Variants in TMC7 observed in about 807,000 individuals in gnomAD.
The protein encoded by TMC7 is transmembrane channel like 7, also known as transmembrane channel-like protein 7.
Under a neutral mutation model 82.9 loss-of-function variants are expected in TMC7, and 54 were observed. That is an observed-to-expected ratio of 0.65 (90% confidence interval 0.52 to 0.82). The LOEUF is 0.82. TMC7 is among the 40% of genes least tolerant of loss of function. TMC7 has a pLI of 0.00. For missense variants in TMC7, 820 were observed against 901.2 expected (o/e 0.91, Z 1.15); for synonymous variants, 350 against 337.9 (o/e 1.04, Z -0.39).
Position 18,984,079 on chromosome 16 carries a change from G to C in TMC7, c.16G>C (p.Gly6Arg), listed in dbSNP as rs1250534924. 2.0e-6 allele frequency: 3 copies of C among 1,499,706 alleles called. No individual in the cohort carries two copies. Among genetic ancestry groups the C allele is most frequent in the Non-Finnish European group, 8.8e-7 (1 of 1,132,544 alleles). The allele number at this position is 1,499,706 out of a possible 1,614,324, so 92.9% of individuals were successfully genotyped here. A position where few individuals can be genotyped will look rare whatever the true frequency, so the allele number is the denominator to read the frequency against. Residue 6 changes from glycine to arginine, a missense_variant, in exon 1 of 16, where the codon GGC (glycine) becomes CGC (arginine). This residue lies in a region of TMC7 where 650 missense variants were observed against 669.9 expected (regional missense o/e 0.97). Transcript: ENST00000304381. MSESSGSALQPGRPSR... is the reference protein window; with the variant it reads MSESSRSALQPGRPSR... ...GGGCGCGGCCATGAGCGAGTCCAGC[G>C]GCAGTGCGCTCCAGCCCGGCAGGCC...
At chr16:19,023,633 G>T (rs1960087852) in intron 5 of TMC7, among the ~76,000 whole-genome samples, 3 of 152,112 alleles carry the variant, frequency 2.0e-5, no homozygotes, top group Admixed American at 2.0e-4. Context: ...TTTTAGTAGA[G>T]ACGGAGTTTC....
In TMC7 at chr16:19,030,254, G is replaced by A. The variant is rs374745847; in HGVS notation, c.742G>A (p.Gly248Arg). 1.6e-5 allele frequency: 25 copies of A among 1,612,362 alleles called. No individual in the cohort carries two copies. Among genetic ancestry groups the A allele is most frequent in the Admixed American group, 1.3e-4 (8 of 59,816 alleles). The part of the protein sequence containing the change: ...GFLEETSLFY[G>R]HYTIDGVKFQ... The stretch of plus-strand genomic sequence containing the variant: ...CCTGGAGGAAACTAGCCTCTTTTAC[G>A]GACATTACACCATTGATGGGGTGAA... The change falls in exon 6 of 16, where the codon GGA (glycine) becomes AGA (arginine). Residue 248 changes from glycine to arginine, a missense_variant. By Grantham distance (125) the Gly-to-Arg change is moderately radical. Coordinates refer to ENST00000304381, the MANE Select transcript of TMC7 (RefSeq NM_024847.4).
intron 1 of TMC7, among the ~76,000 whole-genome samples, chr16:18,987,256 C>T (rs1343674382): frequency 1.3e-5 from 2 of 152,268 alleles, no homozygotes; most frequent in East Asian, 3.9e-4. Context: ...GCTCTTACCA[C>T]CACCTGAAGT....
At chr16:19,023,903 A>T (rs183947098) in intron 5 of TMC7, among the ~76,000 whole-genome samples, 2 of 152,354 alleles carry the variant, frequency 1.3e-5, no homozygotes, top group Admixed American at 1.3e-4. Flanking sequence ...GATGAAAGAC[A>T]TAGCTCTTCT....
chr16:19,038,642 T>C (rs1385207766), intron 8 of TMC7, among the ~76,000 whole-genome samples: 2 of 151,476 alleles, frequency 1.3e-5, no homozygotes, highest in African/African-American at 4.9e-5. Flanking sequence ...TCAGCCTCCC[T>C]AGTAGCTGGC....
chr16:19,062,642 A>C lies in TMC7; in HGVS notation c.*799A>C, dbSNP rs1394167413. The C allele has an allele frequency of 6.6e-6, 1 of 152,636 alleles. No individual in the cohort carries two copies. The highest frequency in any genetic ancestry group is 1.9e-4 in the East Asian group (1 of 5,198). The allele number at this position is 152,636 out of a possible 1,614,324, so 9.5% of individuals were successfully genotyped here. ...ACTCTCCCTAAAAAAAAAATGTAGA[A>C]TATCTCTTAAGATTTCCGTTATGGT... On this transcript the variant is annotated 3_prime_UTR_variant, in exon 16 of 16. Transcript: ENST00000304381.
intron 6 of TMC7, among the ~76,000 whole-genome samples, chr16:19,034,399 C>A (rs1356153664): frequency 6.6e-6 from 1 of 151,554 alleles, no homozygotes; most frequent in Non-Finnish European, 1.5e-5. Context: ...GAGATCGAGA[C>A]CAGCCTGGCC....
chr16:19,059,158 G>A (rs1194719062), intron 14 of TMC7, among the ~76,000 whole-genome samples: 3 of 152,160 alleles, frequency 2.0e-5, no homozygotes, highest in Non-Finnish European at 4.4e-5. Flanking sequence ...GATTACAGGT[G>A]TGAGCCACTG....
At chr16:19,017,381 AAAT>A (rs1223814752) in intron 3 of TMC7, among the ~76,000 whole-genome samples, 16 of 149,226 alleles carry the variant, frequency 1.1e-4, no homozygotes, top group African/African-American at 2.4e-4. Flanking sequence ...TATTATTTAA[AAAT>A]AATATTAAAT....
chr16:18,987,211 T>C (rs550591961), intron 1 of TMC7, among the ~76,000 whole-genome samples: 112 of 152,328 alleles, frequency 7.4e-4, no homozygotes, highest in African/African-American at 2.6e-3. Flanking sequence ...TCTCACTTCC[T>C]CTGACCAGTT....
chr16:19,012,343 A>G (rs1379868534), intron 2 of TMC7: 1 of 152,116 alleles, frequency 6.6e-6, no homozygotes, highest in African/African-American at 2.4e-5. Flanking sequence ...ATTCTTATAA[A>G]CTATTACTGC....
intron 14 of TMC7, among the ~76,000 whole-genome samples, chr16:19,058,347 T>C (rs1348327531): frequency 6.6e-6 from 1 of 152,030 alleles, no homozygotes; most frequent in Non-Finnish European, 1.5e-5. Context: ...GCCATTGCAC[T>C]CAAGCCTGGG....
At chr16:19,056,098 T>C (rs1006659932) in intron 13 of TMC7, among the ~76,000 whole-genome samples, 3 of 151,714 alleles carry the variant, frequency 2.0e-5, no homozygotes, top group Admixed American at 2.0e-4. Context: ...TTCTTTCTTT[T>C]TTTTTTTTGA....
chr16:19,005,728 T>C (rs1241999693), intron 1 of TMC7, among the ~76,000 whole-genome samples: 4 of 152,198 alleles, frequency 2.6e-5, no homozygotes, highest in African/African-American at 7.2e-5. Context: ...TTGTTTCTGC[T>C]TGCAGGAGGG....
intron 1 of TMC7, among the ~76,000 whole-genome samples, chr16:18,999,568 A>G (rs1479035034): frequency 6.6e-6 from 1 of 152,240 alleles, no homozygotes; most frequent in Non-Finnish European, 1.5e-5. Context: ...TAGTCCTAGA[A>G]CAGTGCTTGA....
chr16:19,044,372 G>A (rs1486418829), intron 9 of TMC7, among the ~76,000 whole-genome samples: 1 of 151,826 alleles, frequency 6.6e-6, no homozygotes, highest in Non-Finnish European at 1.5e-5. Context: ...TGTAGAGACG[G>A]CCAGGGGGTG....
chr16:19,004,096 C>G (rs1301218244), intron 1 of TMC7, among the ~76,000 whole-genome samples: 2 of 150,956 alleles, frequency 1.3e-5, no homozygotes, highest in African/African-American at 4.9e-5. Flanking sequence ...CTTACCTCTG[C>G]AGGTTGGCGT....
chr16:19,008,241 C>T (rs1453764502), intron 1 of TMC7, among the ~76,000 whole-genome samples: 1 of 152,200 alleles, frequency 6.6e-6, no homozygotes, highest in East Asian at 1.9e-4. Flanking sequence ...CTTCCCTCCC[C>T]TTCAGCAGAA....
chr16:19,047,144 G>T lies in TMC7; in HGVS notation c.1635G>T (p.Leu545=). 6.2e-7 allele frequency: 1 copy of T among 1,614,016 alleles called. No individual in the cohort carries two copies. Among genetic ancestry groups the T allele is most frequent in the East Asian group, 2.2e-5 (1 of 44,860 alleles). Residue 545 remains leucine, a synonymous_variant, in exon 12 of 16, where the codon CTG becomes CTT. Transcript: ENST00000304381. ...AGTTTGCCATTCCTGATAACGTCCT[G>T]GGGATAGTTTACGGGCAAACCATCT... The part of the protein sequence containing the change: ...QQEFAIPDNV[L]GIVYGQTICW...
Sources: allele counts gnomAD v4.1 joint callset (sites outside exome capture counted in the v4.1 genomes callset), GRCh38; gene constraint gnomAD v4.1.1; regional missense constraint gnomAD v4.1.1; transcripts MANE v1.5; gene names NCBI Gene and HGNC (gene_info 2026-07-23, HGNC 2026-07-21).